Variants in LRMDA observed in about 807,000 individuals in gnomAD.
LRMDA encodes the protein leucine rich melanocyte differentiation associated, also known as leucine-rich melanocyte differentiation-associated protein.
LRMDA carries 18 observed loss-of-function variants against 29.8 expected under a neutral mutation model. The ratio of observed to expected loss-of-function variants is 0.60; its 90% CI spans 0.42 to 0.90. LRMDA has a LOEUF of 0.90. Among genes scored for constraint, LRMDA ranks in the 40% least tolerant of loss-of-function variants. The pLI is 0.00. For synonymous variants in LRMDA, 125 were observed against 109.4 expected (o/e 1.14, Z -0.89); for missense variants, 273 against 273.9 (o/e 1.00, Z 0.02).
intron 6 of LRMDA, among the ~76,000 whole-genome samples, chr10:76,506,199 C>T (rs148000013): frequency 1.5e-3 from 223 of 152,278 alleles, no homozygotes; most frequent in African/African-American, 4.8e-3. Flanking sequence ...AGCAGTGCTT[C>T]CTGACTGTGT....
chr10:75,872,919 GC>G (rs1747017740), intron 2 of LRMDA, among the ~76,000 whole-genome samples: 1 of 152,090 alleles, frequency 6.6e-6, no homozygotes, highest in South Asian at 2.1e-4. Context: ...TGTATTCAGG[GC>G]AAGGCTGGTT....
At chr10:75,447,958 A>G (rs769659090) in intron 2 of LRMDA, among the ~76,000 whole-genome samples, 4 of 152,162 alleles carry the variant, frequency 2.6e-5, no homozygotes, top group Non-Finnish European at 4.4e-5. Flanking sequence ...TTTCAGGCCA[A>G]TGTGAGGGTG....
chr10:76,103,784 C>T (rs920568767), intron 5 of LRMDA, among the ~76,000 whole-genome samples: 4 of 152,210 alleles, frequency 2.6e-5, no homozygotes, highest in Non-Finnish European at 4.4e-5. Context: ...GACATAGTGG[C>T]TCACGCCTGT....
intron 2 of LRMDA, among the ~76,000 whole-genome samples, chr10:75,727,920 CAA>C (rs1842649078): frequency 1.3e-5 from 2 of 152,174 alleles, no homozygotes; most frequent in Non-Finnish European, 2.9e-5. Flanking sequence ...TCATCTGACT[CAA>C]ATTTGCATTC....
chr10:76,250,110 A>G (rs1266002818), intron 5 of LRMDA, among the ~76,000 whole-genome samples: 1 of 152,086 alleles, frequency 6.6e-6, no homozygotes, highest in Admixed American at 6.5e-5. Flanking sequence ...TGGGCCACAA[A>G]TTTTTCATTT....
At chr10:75,827,381 T>C (rs539789292) in intron 2 of LRMDA, among the ~76,000 whole-genome samples, 9 of 152,328 alleles carry the variant, frequency 5.9e-5, no homozygotes, top group South Asian at 2.1e-4. Context: ...ATGGGAATGT[T>C]AACAGAGGAC....
chr10:75,855,020 A>G (rs867627901), intron 2 of LRMDA, among the ~76,000 whole-genome samples: 7 of 152,308 alleles, frequency 4.6e-5, no homozygotes, highest in Middle Eastern at 3.4e-3. Context: ...TAGTGCTGCA[A>G]TAAACATACG....
chr10:76,290,352 A>G (rs1354168824), intron 5 of LRMDA, among the ~76,000 whole-genome samples: 1 of 149,450 alleles, frequency 6.7e-6, no homozygotes, highest in Non-Finnish European at 1.5e-5. Context: ...TGAATTATTT[A>G]TATTAGTGAT....
intron 6 of LRMDA, among the ~76,000 whole-genome samples, chr10:76,540,708 T>A (rs1843344402): frequency 6.6e-6 from 1 of 152,188 alleles, no homozygotes; most frequent in Non-Finnish European, 1.5e-5. Flanking sequence ...CTGTTGAAAA[T>A]TTGTACCAAA....
chr10:76,490,403 GTCTCTC>G (rs375255459), intron 6 of LRMDA, among the ~76,000 whole-genome samples: 110 of 149,272 alleles, frequency 7.4e-4, no homozygotes, highest in African/African-American at 2.5e-3. Context: ...TTGTATTAGG[GTCTCTC>G]TCTCTCTCTC....
chr10:75,431,815 G>A lies in LRMDA; in HGVS notation c.30+61G>A, dbSNP rs182576867. On this transcript the variant is annotated intron_variant, in intron 1 of 6. Coordinates refer to ENST00000611255, the MANE Select transcript of LRMDA (RefSeq NM_001305581.2). ...CAGTCCGCGTGGGGAGGGACAGCGGGGCACAGAGGCTCCCCAGGGCCTAGA... is the reference window on the plus strand; with the variant it reads ...CAGTCCGCGTGGGGAGGGACAGCGGAGCACAGAGGCTCCCCAGGGCCTAGA... 387 of 1,282,760 alleles carry A rather than the reference G, an allele frequency of 3.0e-4. No homozygotes were observed. The African/African-American group carries it at 4.5e-3, about 15-fold the overall frequency. 79.5% of individuals were successfully genotyped at this position (1,282,760 alleles called of 1,614,324 possible).
At chr10:76,079,626 T>C (rs578233403) in intron 5 of LRMDA, among the ~76,000 whole-genome samples, 1 of 152,212 alleles carries the variant, frequency 6.6e-6, no homozygotes, top group East Asian at 1.9e-4. Flanking sequence ...CATCAAAATA[T>C]TTAAACCAAA....
intron 2 of LRMDA, among the ~76,000 whole-genome samples, chr10:75,483,516 A>G (rs1844875480): frequency 6.6e-6 from 1 of 152,208 alleles, no homozygotes; most frequent in Non-Finnish European, 1.5e-5. Context: ...TGTGACCATG[A>G]AAAGTGATTT....
chr10:75,926,849 G>T (rs1360710708), intron 2 of LRMDA, among the ~76,000 whole-genome samples: 1 of 152,118 alleles, frequency 6.6e-6, no homozygotes, highest in Non-Finnish European at 1.5e-5. Flanking sequence ...GAAATCTCTG[G>T]GCTTCTCCTA....
chr10:75,595,407 T>A (rs888312948), intron 2 of LRMDA, among the ~76,000 whole-genome samples: 2 of 152,080 alleles, frequency 1.3e-5, no homozygotes, highest in African/African-American at 4.8e-5. Flanking sequence ...CAGTTGGGTT[T>A]ATAGACATTC....
intron 6 of LRMDA, among the ~76,000 whole-genome samples, chr10:76,354,080 G>GT (rs1191854515): frequency 6.6e-6 from 1 of 152,142 alleles, no homozygotes; most frequent in Non-Finnish European, 1.5e-5. Context: ...ACATCCCAAT[G>GT]CAAATTAAGG....
Position 76,254,340 on chromosome 10 carries a change from C to CATACCATACT in LRMDA, c.517-70059_517-70058insACCATACTAT, listed in dbSNP as rs759692334. Reference sequence around the variant, plus strand: ...CATACCATACCATACCATACCATACCATCCTATCCTATCCTATCCTATGCT... The same window carrying CATACCATACT: ...CATACCATACCATACCATACCATACCATACCATACTATCCTATCCTATCCTATCCTATGCT... On this transcript the variant is annotated intron_variant, in intron 5 of 6. Coordinates refer to ENST00000611255, the MANE Select transcript of LRMDA (RefSeq NM_001305581.2). Among the ~76,000 whole-genome samples the CATACCATACT allele has an allele frequency of 3.2e-3, 292 of 90,178 alleles. 4 individuals are homozygous for CATACCATACT. Among genetic ancestry groups the CATACCATACT allele is most frequent in the African/African-American group, 9.5e-3 (281 of 29,728 alleles). 59.2% of individuals were successfully genotyped at this position (90,178 alleles called of 152,430 possible).
intron 6 of LRMDA, chr10:76,464,945 C>G (rs1311470103): frequency 5.9e-5 from 9 of 152,194 alleles, no homozygotes; most frequent in Admixed American, 5.9e-4. Flanking sequence ...TAGCTTCTCT[C>G]TCCTCCCTGT....
intron 6 of LRMDA, among the ~76,000 whole-genome samples, chr10:76,512,409 CA>C (rs1843017364): frequency 6.6e-6 from 1 of 152,098 alleles, no homozygotes; most frequent in African/African-American, 2.4e-5. Context: ...GTTAAAAATT[CA>C]GAAATAAAGC....
Sources: gnomAD v4.1 joint callset for allele counts (sites outside exome capture counted in the v4.1 genomes callset) on GRCh38, gnomAD v4.1.1 for gene constraint, MANE v1.5 for transcripts, NCBI Gene and HGNC (gene_info 2026-07-23, HGNC 2026-07-21) for gene names.